ADD1: variants seen among roughly 807,000 people sequenced by gnomAD.
ADD1 encodes alpha-adducin.
ADD1 carries 24 observed loss-of-function variants against 80.5 expected under a neutral mutation model. The ratio of observed to expected loss-of-function variants is 0.30; its 90% CI spans 0.22 to 0.42. The LOEUF (loss-of-function observed/expected upper bound fraction) is 0.42, where lower values mean the gene tolerates loss of function less well. ADD1 is among the 10% of genes least tolerant of loss of function. ADD1 has a pLI of 1.00. For synonymous variants in ADD1, 373 were observed against 393.8 expected (o/e 0.95, Z 0.63); for missense variants, 948 against 1,019.0 (o/e 0.93, Z 0.95).
chr4:2,925,923 C>G (rs768911115), intron 14 of ADD1, 91 bp from the exon 15 acceptor site: 1 of 1,091,070 alleles, frequency 9.2e-7, no homozygotes, highest in Non-Finnish European at 1.3e-6. Flanking sequence ...AGAGGGCGGC[C>G]GAGCGGGCTG....
intron 10 of ADD1, among the ~76,000 whole-genome samples, chr4:2,906,206 T>C (rs1356578574): frequency 2.0e-5 from 3 of 152,202 alleles, no homozygotes; most frequent in Non-Finnish European, 2.9e-5. Context: ...GCCTCCGTGC[T>C]CCTGAGCGGC....
At chr4:2,861,872 C>T (rs1256246165) in intron 1 of ADD1, among the ~76,000 whole-genome samples, 2 of 152,158 alleles carry the variant, frequency 1.3e-5, no homozygotes, top group Non-Finnish European at 2.9e-5. Context: ...ACATGTGGCC[C>T]AGGACAGCTT....
intron 2 of ADD1, among the ~76,000 whole-genome samples, chr4:2,876,771 G>A (rs538949141): frequency 1.9e-4 from 29 of 151,968 alleles, no homozygotes; most frequent in African/African-American, 6.5e-4. Context: ...CCCGGGAGGC[G>A]GAGCTTGCAG....
rs756361807 is a variant in ADD1, at chr4:2,928,391, C to T, written c.2268C>T (p.Pro756=). 6.2e-7 allele frequency: 1 copy of T among 1,613,354 alleles called. No individual in the cohort carries two copies. The highest frequency in any genetic ancestry group is 8.5e-7 in the Non-Finnish European group (1 of 1,179,934). ...CCCCGGTGGCTGAAGAGGCTGCCCCCTCAGCTGTCGAGGAGGGGGCCGCCG... is the reference window on the plus strand; with the variant it reads ...CCCCGGTGGCTGAAGAGGCTGCCCCTTCAGCTGTCGAGGAGGGGGCCGCCG... The part of the protein sequence containing the change: ...DPAPVAEEAA[P]SAVEEGAAAD... Residue 756 remains proline, a synonymous_variant, in exon 16 of 16, where the codon CCC becomes CCT. Transcript: ENST00000683351.
intron 1 of ADD1, among the ~76,000 whole-genome samples, chr4:2,854,617 G>A (rs1397915500): frequency 3.3e-5 from 5 of 151,986 alleles, no homozygotes; most frequent in African/African-American, 1.2e-4. Flanking sequence ...CTGTACTTAG[G>A]TTTATGGCCT....
intron 14 of ADD1, among the ~76,000 whole-genome samples, chr4:2,915,993 A>G (rs541044843): frequency 6.6e-6 from 1 of 152,172 alleles, no homozygotes; most frequent in African/African-American, 2.4e-5. Context: ...CCGTGGTCCC[A>G]TCCAGCAGCT....
At chr4:2,906,339 C>G (rs1424944874) in intron 10 of ADD1, among the ~76,000 whole-genome samples, 1 of 151,634 alleles carries the variant, frequency 6.6e-6, no homozygotes, top group Middle Eastern at 3.4e-3. Context: ...CCTTTTCTTT[C>G]ATTTGTTTAT....
intron 4 of ADD1, among the ~76,000 whole-genome samples, chr4:2,885,690 A>C (rs1328219014): frequency 6.6e-6 from 1 of 151,738 alleles, no homozygotes; most frequent in Non-Finnish European, 1.5e-5. Context: ...GCTCACTGCA[A>C]GCTCCGCCTC....
intron 13 of ADD1, among the ~76,000 whole-genome samples, chr4:2,913,780 A>G (rs1161203447): frequency 2.0e-5 from 3 of 152,052 alleles, no homozygotes; most frequent in Non-Finnish European, 4.4e-5. Context: ...CCGCACTGAG[A>G]GCAGCACTGA....
chr4:2,859,135 T>G (rs1728490628), intron 1 of ADD1, among the ~76,000 whole-genome samples: 1 of 152,170 alleles, frequency 6.6e-6, no homozygotes, highest in Non-Finnish European at 1.5e-5. Flanking sequence ...CCAGGTGGAT[T>G]AAAAAGAAAT....
At chr4:2,857,179 TA>T (rs1420351311) in intron 1 of ADD1, among the ~76,000 whole-genome samples, 2 of 152,208 alleles carry the variant, frequency 1.3e-5, no homozygotes, top group African/African-American at 4.8e-5. Context: ...CCCAAAGTGC[TA>T]AGATTACAGA....
Position 2,904,885 on chromosome 4 carries a change from G to A in ADD1, c.1283G>A (p.Gly428Asp). ...GYSFASDGDS[G>D]TCSPLRHSFQ... ...TCCTTTGCTAGTGACGGTGATTCGG[G>A]CACTTGCTCCCCACTCAGACACAGT... Residue 428 changes from glycine to aspartate, a missense_variant, in exon 10 of 16, where the codon GGC (glycine) becomes GAC (aspartate). Gly to Asp is a moderately conservative substitution (Grantham distance 94). Transcript: ENST00000683351. 1 of 1,614,184 alleles carries A rather than the reference G, an allele frequency of 6.2e-7. No homozygotes were observed. Among genetic ancestry groups the A allele is most frequent in the Non-Finnish European group, 8.5e-7 (1 of 1,180,040 alleles).
At chr4:2,850,122 A>G (rs1191167300) in intron 1 of ADD1, among the ~76,000 whole-genome samples, 3 of 152,250 alleles carry the variant, frequency 2.0e-5, no homozygotes, top group Admixed American at 6.5e-5. Context: ...ATGGAATAGT[A>G]GTTGGCAATA....
chr4:2,849,111 C>T (rs959573792), intron 1 of ADD1, among the ~76,000 whole-genome samples: 4 of 152,168 alleles, frequency 2.6e-5, no homozygotes, highest in African/African-American at 9.7e-5. Flanking sequence ...CTCCTACCAA[C>T]TGTGTATTTT....
intron 13 of ADD1, among the ~76,000 whole-genome samples, chr4:2,910,273 C>T (rs1340806235): frequency 2.0e-5 from 3 of 151,936 alleles, no homozygotes; most frequent in Non-Finnish European, 4.4e-5. Context: ...TCACTTGTCA[C>T]ACCTTCATTG....
intron 2 of ADD1, among the ~76,000 whole-genome samples, chr4:2,880,438 T>A (rs527322329): frequency 6.6e-6 from 1 of 151,762 alleles, no homozygotes; most frequent in East Asian, 1.9e-4. Context: ...CATTTATAAT[T>A]GTTTGACAAG....
At chr4:2,883,168 G>A (rs548176712) in intron 3 of ADD1, among the ~76,000 whole-genome samples, 1 of 152,080 alleles carries the variant, frequency 6.6e-6, no homozygotes, top group Non-Finnish European at 1.5e-5. Context: ...GGCCCATTTC[G>A]TCTGTATTAA....
At chr4:2,868,606 A>G (rs183201278) in intron 1 of ADD1, among the ~76,000 whole-genome samples, 1 of 152,312 alleles carries the variant, frequency 6.6e-6, no homozygotes, top group African/African-American at 2.4e-5. Context: ...TTCGGGAATA[A>G]ACAGTCTCAT....
chr4:2,915,322 A>G (rs548286346), intron 14 of ADD1, among the ~76,000 whole-genome samples: 23 of 152,286 alleles, frequency 1.5e-4, no homozygotes, highest in Admixed American at 1.4e-3. Flanking sequence ...CCTGACCAAC[A>G]TGGAGAAACC....
Sources: gnomAD v4.1 joint callset for allele counts (sites outside exome capture counted in the v4.1 genomes callset) on GRCh38, gnomAD v4.1.1 for gene constraint, MANE v1.5 for transcripts, NCBI Gene and HGNC (gene_info 2026-07-23, HGNC 2026-07-21) for gene names.